The following PPFIA2 variants were observed in gnomAD, a reference collection of about 807,000 sequenced individuals.
The protein encoded by PPFIA2 is liprin-alpha-2.
PPFIA2 carries 46 observed loss-of-function variants against 175.5 expected under a neutral mutation model. The observed-to-expected ratio is 0.26, with a 90% CI of 0.21 to 0.34. The LOEUF (loss-of-function observed/expected upper bound fraction) is 0.34. Ranked by LOEUF, PPFIA2 falls within the 10% of genes least tolerant of loss-of-function variation. PPFIA2 has a pLI of 1.00. For synonymous variants in PPFIA2, 568 were observed against 511.4 expected (o/e 1.11, Z -1.49); for missense variants, 1,179 against 1,506.1 (o/e 0.78, Z 3.60).
intron 4 of PPFIA2, among the ~76,000 whole-genome samples, chr12:81,629,939 T>G (rs1407394949): frequency 6.6e-6 from 1 of 152,188 alleles, no homozygotes; most frequent in Admixed American, 6.5e-5. Context: ...ATCTTGAGAT[T>G]GAAAGATTAT....
At chr12:81,611,206 C>T (rs1461208384) in intron 4 of PPFIA2, among the ~76,000 whole-genome samples, 4 of 152,088 alleles carry the variant, frequency 2.6e-5, no homozygotes, top group Non-Finnish European at 5.9e-5. Flanking sequence ...GTAGGGGTTC[C>T]AGGCCACGAG....
At chr12:81,733,405 G>A (rs1186186972) in intron 3 of PPFIA2, among the ~76,000 whole-genome samples, 1 of 151,552 alleles carries the variant, frequency 6.6e-6, no homozygotes, top group African/African-American at 2.4e-5. Context: ...ACACCATTGA[G>A]CCTATAGTTA....
intron 19 of PPFIA2, among the ~76,000 whole-genome samples, chr12:81,343,680 G>C (rs1312448660): frequency 2.0e-5 from 3 of 152,066 alleles, no homozygotes; most frequent in Admixed American, 1.3e-4. Flanking sequence ...TGTCCCATGA[G>C]TGAAAGCTCT....
At chr12:81,481,984 T>A (rs1317296920) in intron 4 of PPFIA2, among the ~76,000 whole-genome samples, 3 of 152,112 alleles carry the variant, frequency 2.0e-5, no homozygotes, top group Non-Finnish European at 4.4e-5. Context: ...ATTTTTGCAA[T>A]CTATCCATCT....
At chr12:81,583,070 G>A (rs1042842916) in intron 4 of PPFIA2, among the ~76,000 whole-genome samples, 1 of 151,982 alleles carries the variant, frequency 6.6e-6, no homozygotes, top group South Asian at 2.1e-4. Flanking sequence ...CTGCCAATAC[G>A]TATTTCCATT....
At position 81,476,033 on chromosome 12, in the gene PPFIA2, T is replaced by C. The variant is rs542906187; in HGVS notation, c.304-18167A>G. Among the ~76,000 whole-genome samples the C allele has an allele frequency of 1.6e-4, 24 of 152,348 alleles. No homozygotes were observed. In the South Asian group the frequency reaches 4.8e-3, roughly 30 times the overall value. On this transcript the variant is annotated intron_variant, in intron 4 of 32. Transcript: ENST00000549396. ...AAGCTTATATTAATGGTCAAACTGA[T>C]GTCTTTTTGTTGATGATAAGTTTCT... is the stretch of plus-strand genomic sequence containing the variant.
At chr12:81,298,709 T>C (rs960507538) in intron 23 of PPFIA2, among the ~76,000 whole-genome samples, 1 of 152,236 alleles carries the variant, frequency 6.6e-6, no homozygotes, top group African/African-American at 2.4e-5. Context: ...AGATATTCCC[T>C]TATTTTTCCA....
At chr12:81,463,878 T>C (rs990796367) in intron 4 of PPFIA2, among the ~76,000 whole-genome samples, 44 of 152,152 alleles carry the variant, frequency 2.9e-4, no homozygotes, top group African/African-American at 1.0e-3. Context: ...AACTTTCTTT[T>C]CTGTTAATAT....
intron 4 of PPFIA2, among the ~76,000 whole-genome samples, chr12:81,490,417 G>C (rs980777974): frequency 1.2e-4 from 18 of 151,886 alleles, no homozygotes; most frequent in African/African-American, 3.1e-4. Flanking sequence ...CTCCTTGGTA[G>C]TGTCTCTCAC....
chr12:81,554,213 G>A (rs571216178), intron 4 of PPFIA2, among the ~76,000 whole-genome samples: 1 of 152,116 alleles, frequency 6.6e-6, no homozygotes, highest in Admixed American at 6.6e-5. Context: ...GATTTACCTA[G>A]GAGATAAAAT....
At chr12:81,391,340 G>A (rs569129957) in intron 8 of PPFIA2, among the ~76,000 whole-genome samples, 7 of 151,908 alleles carry the variant, frequency 4.6e-5, no homozygotes, top group South Asian at 2.1e-4. Flanking sequence ...ATTGTAAGTC[G>A]TCCTGTATGC....
At chr12:81,694,224 G>A (rs1474125550) in intron 3 of PPFIA2, among the ~76,000 whole-genome samples, 2 of 152,166 alleles carry the variant, frequency 1.3e-5, no homozygotes, top group African/African-American at 2.4e-5. Context: ...CCCAAGTGCT[G>A]ATAGCCAAGA....
At chr12:81,397,681 C>T (rs1399363902) in intron 8 of PPFIA2, among the ~76,000 whole-genome samples, 1 of 151,936 alleles carries the variant, frequency 6.6e-6, no homozygotes, top group East Asian at 1.9e-4. Flanking sequence ...AGAATACAGT[C>T]GACCAGGGGT....
chr12:81,612,067 T>C (rs1174239204), intron 4 of PPFIA2, among the ~76,000 whole-genome samples: 1 of 152,012 alleles, frequency 6.6e-6, no homozygotes, highest in Non-Finnish European at 1.5e-5. Context: ...TATCAGCTTT[T>C]TCTCTCCCAA....
At chr12:81,688,802 AATAT>A (rs3075480) in intron 3 of PPFIA2, among the ~76,000 whole-genome samples, 2 of 140,784 alleles carry the variant, frequency 1.4e-5, no homozygotes. Flanking sequence ...TGGTTTATTA[AATAT>A]ATATATATAT....
At chr12:81,646,557 T>G (rs1041150538) in intron 4 of PPFIA2, among the ~76,000 whole-genome samples, 1 of 152,210 alleles carries the variant, frequency 6.6e-6, no homozygotes, top group Admixed American at 6.5e-5. Flanking sequence ...AACACAGTCA[T>G]GCAAAGTCTT....
chr12:81,467,277 T>C (rs1487510733), intron 4 of PPFIA2, among the ~76,000 whole-genome samples: 2 of 152,158 alleles, frequency 1.3e-5, no homozygotes, highest in African/African-American at 4.8e-5. Context: ...TGATCAAAAA[T>C]TTACATTACG....
intron 4 of PPFIA2, among the ~76,000 whole-genome samples, chr12:81,532,021 C>T (rs2064644800): frequency 6.6e-6 from 1 of 151,792 alleles, no homozygotes; most frequent in Non-Finnish European, 1.5e-5. Context: ...TCAGCATGAT[C>T]TCAATGCAAT....
chr12:81,461,593 TC>T (rs2054547780), intron 4 of PPFIA2, among the ~76,000 whole-genome samples: 1 of 151,998 alleles, frequency 6.6e-6, no homozygotes, highest in Admixed American at 6.6e-5. Context: ...TAACCAGCAC[TC>T]AAAACCCATC....
Sources: allele counts gnomAD v4.1 joint callset (sites outside exome capture counted in the v4.1 genomes callset), GRCh38; gene constraint gnomAD v4.1.1; transcripts MANE v1.5; gene names NCBI Gene and HGNC (gene_info 2026-07-23, HGNC 2026-07-21).